Variants in MGAM2 observed in about 807,000 individuals in gnomAD.
The protein encoded by MGAM2 is maltase-glucoamylase 2 (putative).
In MGAM2, 98 loss-of-function variants were observed where a neutral mutation model predicts 96.1. The observed-to-expected ratio is 1.02, with a 90% CI of 0.87 to 1.21. MGAM2 has a LOEUF of 1.21. Among genes scored for constraint, MGAM2 ranks in the 50% most tolerant of loss-of-function variants. MGAM2 has a pLI of 0.00. For synonymous variants in MGAM2, 749 were observed against 414.8 expected (o/e 1.81, Z -9.79); for missense variants, 2,055 against 1,182.4 (o/e 1.74, Z -10.82).
intron 5 of MGAM2, 126 bp downstream of exon 5, chr7:142,131,753 G>C: frequency 1.6e-6 from 1 of 618,122 alleles, no homozygotes; most frequent in Non-Finnish European, 2.9e-6. Context: ...GCATGGGCAG[G>C]CTAATTTTTA....
At position 142,189,376 on chromosome 7, in the gene MGAM2, C is replaced by T. The variant is rs1478519818; in HGVS notation, c.4217C>T (p.Ser1406Phe). 1 of 697,238 alleles carries T rather than the reference C, an allele frequency of 1.4e-6. No individual in the cohort carries two copies. Among genetic ancestry groups the T allele is most frequent in the African/African-American group, 1.8e-5 (1 of 56,244 alleles). The allele number at this position is 697,238 out of a possible 1,614,324, so 43.2% of individuals were successfully genotyped here. Residue 1406 changes from serine (S) to phenylalanine (F), a missense_variant, in exon 37 of 48, where the codon TCT becomes TTT. Transcript: ENST00000477922. ...CAACATTTCCCCTCAGATTTGGAAT[C>T]TAGGGACAAGGGCCTGAGCAGCAAG... The part of the protein sequence containing the change: ...NNPPYMPYLE[S>F]RDKGLSSKTL...
intron 3 of MGAM2, among the ~76,000 whole-genome samples, chr7:142,130,305 T>C (rs1174042889): frequency 6.6e-6 from 1 of 152,218 alleles, no homozygotes; most frequent in African/African-American, 2.4e-5. Context: ...TTTCTTCTTT[T>C]GCTGTATTGT....
chr7:142,197,690 T>A lies in MGAM2; in HGVS notation c.4828T>A (p.Leu1610Met), dbSNP rs1374670265. The A allele has an allele frequency of 2.8e-6, 2 of 703,022 alleles. No homozygotes were observed. Among genetic ancestry groups the A allele is most frequent in the South Asian group, 3.0e-5 (2 of 67,604 alleles). The allele number at this position is 703,022 out of a possible 1,614,324, so 43.5% of individuals were successfully genotyped here. ...TTWDIDRQFM[L>M]GPAILISPVL... ...ATGGGATATAGACCGTCAGTTCATGTTGGGCCCTGCTATCTTAATCAGCCC... is the reference window on the plus strand; with the variant it reads ...ATGGGATATAGACCGTCAGTTCATGATGGGCCCTGCTATCTTAATCAGCCC... Residue 1610 changes from leucine to methionine, a missense_variant, in exon 42 of 48, where the codon TTG (leucine) becomes ATG (methionine). By Grantham distance (15) the Leu-to-Met change is conservative. Transcript: ENST00000477922.
rs560823926 is a variant in MGAM2 at position 142,185,851 on chromosome 7, G to T, written c.3988-138G>T. On this transcript the variant is annotated intron_variant, in intron 34 of 47. Transcript: ENST00000477922. Reference sequence around the variant, plus strand: ...GCCTTCCCCAATCTCTGCTTCTGTTGTAAACTCTGCAACAGCAGCAGATCT... The same window carrying T: ...GCCTTCCCCAATCTCTGCTTCTGTTTTAAACTCTGCAACAGCAGCAGATCT... 170 of 537,050 alleles carry T rather than the reference G, an allele frequency of 3.2e-4. 4 individuals are homozygous for T. The South Asian group carries it at 4.9e-3, about 15-fold the overall frequency. The allele number at this position is 537,050 out of a possible 1,614,324, so 33.3% of individuals were successfully genotyped here. A position where few individuals can be genotyped will look rare whatever the true frequency, so the allele number is the denominator to read the frequency against.
chr7:142,113,517 G>C (rs1585132848), intron 1 of MGAM2, among the ~76,000 whole-genome samples: 2 of 147,768 alleles, frequency 1.4e-5, no homozygotes, highest in South Asian at 4.3e-4. Flanking sequence ...ATTAAAAAAA[G>C]ATTCCTAGGT....
chr7:142,217,812 G>A (rs923777836), intron 46 of MGAM2, among the ~76,000 whole-genome samples: 1 of 152,182 alleles, frequency 6.6e-6, no homozygotes, highest in East Asian at 1.9e-4. Context: ...GTGGCTAGGT[G>A]TGGTGGCTCA....
At chr7:142,195,866 A>G (rs1169082190) in intron 37 of MGAM2, among the ~76,000 whole-genome samples, 1 of 152,084 alleles carries the variant, frequency 6.6e-6, no homozygotes, top group Non-Finnish European at 1.5e-5. Flanking sequence ...TTGTTCCATA[A>G]ATAGCTATAT....
chr7:142,183,198 A>G lies in MGAM2; in HGVS notation c.3817-68A>G, dbSNP rs867512261. 1.7e-4 allele frequency: 113 copies of G among 662,412 alleles called. 1 individual carries two copies. In the Middle Eastern group the frequency reaches 9.4e-3, roughly 55 times the overall value. 41.0% of individuals were successfully genotyped at this position (662,412 alleles called of 1,614,324 possible). A position where few individuals can be genotyped will look rare whatever the true frequency, so the allele number is the denominator to read the frequency against. ...TTCCTTCTGCACTATGAACTACTAA[A>G]TTTTTGGAGAGAAATTTTCTTAGAG... is the stretch of plus-strand genomic sequence containing the variant. On this transcript the variant is annotated intron_variant, in intron 32 of 47. Coordinates refer to ENST00000477922, the MANE Select transcript of MGAM2 (RefSeq NM_001293626.2).
At chr7:142,181,650 G>A (rs1172216269) in intron 32 of MGAM2, among the ~76,000 whole-genome samples, 1 of 152,190 alleles carries the variant, frequency 6.6e-6, no homozygotes, top group Non-Finnish European at 1.5e-5. Flanking sequence ...GGGACAGCCT[G>A]AGCCAAAGGT....
chr7:142,119,497 C>G (rs576243512), intron 2 of MGAM2, among the ~76,000 whole-genome samples: 1 of 152,228 alleles, frequency 6.6e-6, no homozygotes, highest in South Asian at 2.1e-4. Flanking sequence ...TTTGCCAGTT[C>G]CTCGAAAAGC....
At chr7:142,125,211 C>T (rs563220087) in intron 3 of MGAM2, among the ~76,000 whole-genome samples, 5 of 152,172 alleles carry the variant, frequency 3.3e-5, no homozygotes, top group African/African-American at 1.2e-4. Flanking sequence ...AGAGGAATTT[C>T]CTGGTTTTGG....
chr7:142,189,867 A>G (rs180696722), intron 37 of MGAM2, among the ~76,000 whole-genome samples: 47 of 152,280 alleles, frequency 3.1e-4, no homozygotes, highest in African/African-American at 9.6e-4. Context: ...TTTTCTGTCT[A>G]TGTGGATTGC....
At chr7:142,183,447 T>C in intron 33 of MGAM2, 74 bp downstream of exon 33, 1 of 668,232 alleles carries the variant, frequency 1.5e-6, no homozygotes, top group Non-Finnish European at 2.7e-6. Context: ...TCAATACACA[T>C]TGGAAAATAT....
chr7:142,165,245 C>T (rs4726493), intron 24 of MGAM2, among the ~76,000 whole-genome samples: 30,187 of 152,086 alleles, frequency 0.2, 3,260 homozygotes, highest in East Asian at 0.43. Flanking sequence ...GTCGGAACCC[C>T]GAGAGAAGGA....
In MGAM2 at chr7:142,120,355, T is replaced by C. The variant is rs922653013; in HGVS notation, c.160T>C (p.Cys54Arg). 8.5e-6 allele frequency: 6 copies of C among 703,026 alleles called. No homozygotes were observed. Among genetic ancestry groups the C allele is most frequent in the African/African-American group, 7.0e-5 (4 of 57,238 alleles). The allele number at this position is 703,026 out of a possible 1,614,324, so 43.5% of individuals were successfully genotyped here. ...GATTCCCCAGTCGGAAAGGATAGAC[T>C]GCACACCTGACCAGGAGGTGACCGA... ...PEIPQSERID[C>R]TPDQEVTEDI... Residue 54 changes from cysteine (C) to arginine (R), a missense_variant, in exon 3 of 48, where the codon TGC becomes CGC. Coordinates refer to ENST00000477922, the MANE Select transcript of MGAM2 (RefSeq NM_001293626.2).
intron 6 of MGAM2, among the ~76,000 whole-genome samples, chr7:142,133,529 T>C (rs1794969793): frequency 6.6e-6 from 1 of 152,084 alleles, no homozygotes. Context: ...GAAGTATTAG[T>C]GTCTGTAAAA....
At position 142,170,320 on chromosome 7, in the gene MGAM2, ACT is replaced by A. The variant is rs1168407596; in HGVS notation, c.3182+94_3182+95del. The A allele has an allele frequency of 2.3e-5, 13 of 565,988 alleles. 1 individual carries two copies. The South Asian group carries it at 2.9e-4, about 13-fold the overall frequency. 35.1% of individuals were successfully genotyped at this position (565,988 alleles called of 1,614,324 possible). A position where few individuals can be genotyped will look rare whatever the true frequency, so the allele number is the denominator to read the frequency against. ...TTCAAGTGAAATATTAATCTCAGAG[ACT>A]CTATGGAAATAGGTGTGCATTTGTT... On this transcript the variant is annotated intron_variant, in intron 27 of 47. Transcript: ENST00000477922.
At chr7:142,149,102 A>T (rs1165574677) in intron 15 of MGAM2, among the ~76,000 whole-genome samples, 1 of 151,784 alleles carries the variant, frequency 6.6e-6, no homozygotes, top group Non-Finnish European at 1.5e-5. Context: ...TGGCAGGCGC[A>T]CCTGTAATCC....
rs1027107916 is a variant in MGAM2, at chr7:142,160,181, A to G, written c.2268A>G (p.Pro756=). 3.0e-5 allele frequency: 21 copies of G among 702,672 alleles called. No homozygotes were observed. The highest frequency in any genetic ancestry group is 4.9e-5 in the Non-Finnish European group (19 of 384,866). 43.5% of individuals were successfully genotyped at this position (702,672 alleles called of 1,614,324 possible). Residue 756 remains proline (P), a synonymous_variant, in exon 21 of 48, where the codon CCA becomes CCG. Coordinates refer to ENST00000477922, the MANE Select transcript of MGAM2 (RefSeq NM_001293626.2). ...AACAGTTGGTGAATATGCTTCTCCC[A>G]GGTGACAAGATAGGACTTCATCTGC... ...WRKQLVNMLL[P]GDKIGLHLRG...
Sources: gnomAD v4.1 joint callset for allele counts (sites outside exome capture counted in the v4.1 genomes callset) on GRCh38, gnomAD v4.1.1 for gene constraint, MANE v1.5 for transcripts, NCBI Gene and HGNC (gene_info 2026-07-23, HGNC 2026-07-21) for gene names.